Variants in SP140 observed in about 807,000 individuals in gnomAD.
SP140 encodes the protein SP140 nuclear body protein, also known as nuclear body protein SP140.
SP140 carries 81 observed loss-of-function variants against 125.0 expected under a neutral mutation model. That is an observed-to-expected ratio of 0.65 (90% CI 0.54 to 0.78). The LOEUF (loss-of-function observed/expected upper bound fraction) is 0.78. Among genes scored for constraint, SP140 ranks in the 30% least tolerant of loss-of-function variants. SP140 has a pLI of 0.00. For synonymous variants in SP140, 312 were observed against 354.0 expected (o/e 0.88, Z 1.33); for missense variants, 858 against 1,037.0 (o/e 0.83, Z 2.37).
Position 230,285,641 on chromosome 2 carries a change from C to T in SP140, c.1565-111C>T, listed in dbSNP as rs574361358. ...AAGCAAAAAATGCTCTGGACACCTG[C>T]TCGAGGGGATCCAGAATGAGACCCA... On this transcript the variant is annotated intron_variant, in intron 16 of 26. Coordinates refer to ENST00000392045, the MANE Select transcript of SP140 (RefSeq NM_007237.5). The T allele has an allele frequency of 4.5e-6, 4 of 881,598 alleles. No homozygotes were observed. In the South Asian group the frequency reaches 4.6e-5, roughly 10 times the overall value. The allele number at this position is 881,598 out of a possible 1,614,324, so 54.6% of individuals were successfully genotyped here. A position where few individuals can be genotyped will look rare whatever the true frequency, so the allele number is the denominator to read the frequency against.
At chr2:230,259,639 A>T (rs1246325369) in intron 12 of SP140, among the ~76,000 whole-genome samples, 1 of 151,504 alleles carries the variant, frequency 6.6e-6, no homozygotes. Flanking sequence ...ATGAGCTGAG[A>T]TCACACCACT....
At position 230,290,550 on chromosome 2, in the gene SP140, A is replaced by C. The variant is rs549844925; in HGVS notation, c.1811A>C (p.Lys604Thr). 3 of 1,613,400 alleles carry C rather than the reference A, an allele frequency of 1.9e-6. No individual in the cohort carries two copies. Among genetic ancestry groups the C allele is most frequent in the African/African-American group, 1.3e-5 (1 of 75,000 alleles). The change falls in exon 19 of 27, where the codon AAG (lysine) becomes ACG (threonine). Residue 604 changes from lysine to threonine, a missense_variant. Physicochemically the swap from Lys to Thr is moderately conservative, Grantham distance 78 (BLOSUM62 -1). Transcript: ENST00000392045. ...GGGGTGAAGGGAATTTTACATAAGA[A>C]GAAATTGCAGCAAGGTAGGTTTTAT... The part of the protein sequence containing the change: ...CGGVKGILHK[K>T]KLQQGILVKC...
chr2:230,282,380 C>T (rs1036932372), intron 15 of SP140, among the ~76,000 whole-genome samples: 3 of 152,286 alleles, frequency 2.0e-5, no homozygotes, highest in Admixed American at 6.5e-5. Context: ...AGAATGGCCT[C>T]CCAGCAAATT....
chr2:230,207,730 A>AC lies in SP140; in HGVS notation c.-323+4452dup, dbSNP rs61002141. 2.6e-5 allele frequency among the ~76,000 whole-genome samples: 4 copies of AC among 152,210 alleles called. No individual in the cohort carries two copies. The East Asian group carries it at 7.7e-4, about 29-fold the overall frequency. On this transcript the variant is annotated intron_variant, in intron 1 of 4. Coordinates refer to the SP140 transcript ENST00000456542. The stretch of plus-strand genomic sequence containing the variant: ...AATTGGCACTCTTCTCTGCATCTCC[A>AC]CTGTCAGATCTGAATCCAAGCCACC...
At chr2:230,257,703 G>A (rs112023941) in intron 12 of SP140, among the ~76,000 whole-genome samples, 5,103 of 152,272 alleles carry the variant, frequency 0.034, 138 homozygotes, top group Non-Finnish European at 0.05. Context: ...GGATGTGGAG[G>A]TTGCAGTCAG....
Position 230,310,564 on chromosome 2 carries a change from C to T in SP140, c.2175-179C>T, listed in dbSNP as rs559984505. On this transcript the variant is annotated intron_variant, in intron 23 of 26. Transcript: ENST00000392045. Reference sequence around the variant, plus strand: ...TTCCTGCCTGCTGCTACCACTGATGCGAGGGAAAGGCCAATGGCTGGAGAC... The same window carrying T: ...TTCCTGCCTGCTGCTACCACTGATGTGAGGGAAAGGCCAATGGCTGGAGAC... Among the ~76,000 whole-genome samples, 8 of 152,150 alleles carry T rather than the reference C, an allele frequency of 5.3e-5. No homozygotes were observed. In the East Asian group the frequency reaches 9.7e-4, roughly 18 times the overall value.
chr2:230,279,724 A>C (rs908491781), intron 15 of SP140, among the ~76,000 whole-genome samples: 1 of 152,030 alleles, frequency 6.6e-6, no homozygotes, highest in African/African-American at 2.4e-5. Flanking sequence ...CATTTTCATC[A>C]CCCCAAAGTC....
intron 1 of SP140, among the ~76,000 whole-genome samples, chr2:230,206,598 TATATATATA>T (rs2043855507): frequency 3.2e-5 from 1 of 31,310 alleles, no homozygotes; most frequent in African/African-American, 2.2e-4. Context: ...CCAGATTTTA[TATATATATA>T]TATATATATA....
Position 230,206,592 on chromosome 2 carries a change from A to ATT in SP140, c.-323+3316_-323+3317dup, listed in dbSNP as rs1185913350. On this transcript the variant is annotated intron_variant, in intron 1 of 4. Transcript: ENST00000456542. ...AGATATTATATATTATCTGGTCCAG[A>ATT]TTTTATATATATATATATATATATA... 1.4e-3 allele frequency among the ~76,000 whole-genome samples: 88 copies of ATT among 62,350 alleles called. 1 individual carries two copies. Among genetic ancestry groups the ATT allele is most frequent in the Non-Finnish European group, 2.1e-3 (69 of 33,186 alleles). 40.9% of individuals were successfully genotyped at this position (62,350 alleles called of 152,430 possible).
At chr2:230,297,271 C>A in intron 21 of SP140, 150 bp from the exon 22 acceptor site, 1 of 827,144 alleles carries the variant, frequency 1.2e-6, no homozygotes, top group Non-Finnish European at 1.8e-6. Context: ...CCACTGGAGC[C>A]ACCCCAGCCT....
intron 9 of SP140, among the ~76,000 whole-genome samples, chr2:230,249,618 A>G (rs887350885): frequency 2.0e-5 from 3 of 152,212 alleles, no homozygotes; most frequent in Non-Finnish European, 4.4e-5. Context: ...AACCTCAAGG[A>G]GAAAAGTTAG....
chr2:230,223,608 T>G (rs1160892953), upstream of SP140, among the ~76,000 whole-genome samples: 1 of 152,220 alleles, frequency 6.6e-6, no homozygotes, highest in Non-Finnish European at 1.5e-5. Flanking sequence ...CAAGAGATAT[T>G]CAAGGAAATA....
Position 230,237,361 on chromosome 2 carries a change from A to C in SP140, c.237+101A>C. 2.0e-6 allele frequency: 2 copies of C among 982,002 alleles called. No individual in the cohort carries two copies. The highest frequency in any genetic ancestry group is 1.5e-6 in the Non-Finnish European group (1 of 656,206). 60.8% of individuals were successfully genotyped at this position (982,002 alleles called of 1,614,324 possible). ...GCTAAAGGGCCTCCTGTGAGTGGGGACCTTCACCATTCTGTAGGTTAGGAG... is the reference window on the plus strand; with the variant it reads ...GCTAAAGGGCCTCCTGTGAGTGGGGCCCTTCACCATTCTGTAGGTTAGGAG... On this transcript the variant is annotated intron_variant, in intron 2 of 26. Coordinates refer to ENST00000392045, the MANE Select transcript of SP140 (RefSeq NM_007237.5). This position sits in a 1 kb window ranked among gnomAD's most constrained non-coding sequence, Gnocchi z 5.4.
chr2:230,220,827 G>A (rs1330666410), upstream of SP140, among the ~76,000 whole-genome samples: 1 of 152,048 alleles, frequency 6.6e-6, no homozygotes, highest in African/African-American at 2.4e-5. Flanking sequence ...AACATAGTGA[G>A]ACCCCATCTC....
intron 3 of SP140, chr2:230,216,936 A>C (rs762131609): frequency 6.2e-7 from 1 of 1,612,560 alleles, no homozygotes; most frequent in South Asian, 1.1e-5. Context: ...ATCCTATGGA[A>C]AGAGGCATGA....
At chr2:230,216,688 T>G (rs1323995482) in intron 3 of SP140, 9 of 1,516,562 alleles carry the variant, frequency 5.9e-6, no homozygotes, top group African/African-American at 1.4e-5. Context: ...CCTTCCAAAC[T>G]CTGGAAGCCC....
intron 22 of SP140, among the ~76,000 whole-genome samples, chr2:230,297,945 G>A (rs1321665783): frequency 6.6e-6 from 1 of 152,222 alleles, no homozygotes; most frequent in African/African-American, 2.4e-5. Context: ...AAGCTATTAT[G>A]TTCCAGGTGT....
Position 230,268,621 on chromosome 2 carries a change from A to T in SP140, c.1241-911A>T, listed in dbSNP as rs75679331. Among the ~76,000 whole-genome samples, 146 of 152,346 alleles carry T rather than the reference A, an allele frequency of 9.6e-4. 1 individual carries two copies. The highest frequency in any genetic ancestry group is 3.3e-3 in the African/African-American group (139 of 41,578). On this transcript the variant is annotated intron_variant, in intron 12 of 26. Transcript: ENST00000392045. ...CACATTAATTGAGAAAATGTTTGCT[A>T]AGTGGTGTACTTCCAACTGAAAATA...
Position 230,238,370 on chromosome 2 carries a change from G to C in SP140, c.395G>C (p.Ser132Thr), listed in dbSNP as rs753329980. 6.2e-7 allele frequency: 1 copy of C among 1,610,510 alleles called. No homozygotes were observed. The highest frequency in any genetic ancestry group is 8.5e-7 in the Non-Finnish European group (1 of 1,179,172). Residue 132 changes from serine to threonine, a missense_variant, in exon 3 of 27, where the codon AGC becomes ACC. By Grantham distance (58) the Ser-to-Thr change is moderately conservative. Transcript: ENST00000392045. ...CCTGATTTAAACGAGATTTACAGAA[G>C]CTTCCAGAATGGTAACTATAGCTCT... ...AYPDLNEIYR[S>T]FQNVCYEHSP...
Sources: allele counts gnomAD v4.1 joint callset (sites outside exome capture counted in the v4.1 genomes callset), GRCh38; gene constraint gnomAD v4.1.1; non-coding constraint Gnocchi (gnomAD v3.1); transcripts MANE v1.5; gene names NCBI Gene and HGNC (gene_info 2026-07-23, HGNC 2026-07-21).